SMO: variants seen among roughly 807,000 people sequenced by gnomAD.
The protein encoded by SMO is smoothened, frizzled class receptor.
In SMO, 40 loss-of-function variants were observed where a neutral mutation model predicts 81.6. That is an observed-to-expected ratio of 0.49 (90% confidence interval 0.38 to 0.64). The LOEUF is 0.64. SMO is among the 30% of genes least tolerant of loss of function. SMO has a pLI of 0.00. For missense variants in SMO, 916 were observed against 1,061.1 expected (o/e 0.86, Z 1.90); for synonymous variants, 434 against 432.1 (o/e 1.00, Z -0.05).
At position 129,212,672 on chromosome 7, in the gene SMO, G is replaced by A. The variant is rs1793897902; in HGVS notation, c.*221G>A. 1 of 576,606 alleles carries A rather than the reference G, an allele frequency of 1.7e-6. No homozygotes were observed. The highest frequency in any genetic ancestry group is 2.2e-5 in the South Asian group (1 of 45,052). 35.7% of individuals were successfully genotyped at this position (576,606 alleles called of 1,614,324 possible). A position where few individuals can be genotyped will look rare whatever the true frequency, so the allele number is the denominator to read the frequency against. On this transcript the variant is annotated 3_prime_UTR_variant, in exon 12 of 12. Coordinates refer to ENST00000249373, the MANE Select transcript of SMO (RefSeq NM_005631.5). The surrounding 1 kb of genome is among the most constrained non-coding windows in gnomAD (Gnocchi z 5.0). ...CTCACCCCAGGGACAGGGCCCTGGAGCTCAGGGTCCTTGTTTCTGCCCTGC... is the reference window on the plus strand; with the variant it reads ...CTCACCCCAGGGACAGGGCCCTGGAACTCAGGGTCCTTGTTTCTGCCCTGC...
intron 1 of SMO, among the ~76,000 whole-genome samples, chr7:129,194,555 T>G (rs1793540557): frequency 6.6e-6 from 1 of 152,186 alleles, no homozygotes; most frequent in African/African-American, 2.4e-5. Flanking sequence ...CCCCTCCCCT[T>G]GCTCAAGAGG....
rs772755154 is a variant in SMO, at chr7:129,203,533, C to T, written c.481C>T (p.Arg161Trp). Residue 161 changes from arginine to tryptophan, a missense_variant, in exon 2 of 12, where the codon CGG becomes TGG. Coordinates refer to ENST00000249373, the MANE Select transcript of SMO (RefSeq NM_005631.5). ...CCCCTGTGCCATCGTGGAGAGGGAG[C>T]GGGGCTGGCCTGACTTCCTGCGCTG... is the stretch of plus-strand genomic sequence containing the variant. ...RGPCAIVERE[R>W]GWPDFLRCTP... 2.8e-5 allele frequency: 45 copies of T among 1,606,126 alleles called. No individual in the cohort carries two copies. The highest frequency in any genetic ancestry group is 3.6e-5 in the Non-Finnish European group (42 of 1,179,550).
rs777774073 is a variant in SMO, at chr7:129,211,857, AG to A, written c.1936+89del. On this transcript the variant is annotated intron_variant, in intron 11 of 11. Transcript: ENST00000249373. The surrounding 1 kb of genome is among the most constrained non-coding windows in gnomAD (Gnocchi z 4.6). ...ACTGGAGTACAGGGGCTGTCGGAGG[AG>A]GAGGAAGAGGAAGGAAAGGCCCCAG... 177 of 1,544,626 alleles carry A rather than the reference AG, an allele frequency of 1.1e-4. No homozygotes were observed. Among genetic ancestry groups the A allele is most frequent in the Non-Finnish European group, 1.8e-6 (2 of 1,122,254 alleles).
chr7:129,205,741 C>T lies in SMO; in HGVS notation c.879C>T (p.Ile293=), dbSNP rs763465260. 58 of 1,610,214 alleles carry T rather than the reference C, an allele frequency of 3.6e-5. No homozygotes were observed. Among genetic ancestry groups the T allele is most frequent in the Non-Finnish European group, 4.7e-5 (55 of 1,180,004 alleles). The change falls in exon 4 of 12, where the codon ATC becomes ATT. Residue 293 remains isoleucine, a synonymous_variant. Transcript: ENST00000249373. ...AQFMDGARRE[I]VCRADGTMRL... is the part of the protein sequence containing the mutation. ...TCATGGATGGTGCCCGCCGAGAGAT[C>T]GTCTGCCGTGCAGATGGCACCATGA... is the stretch of plus-strand genomic sequence containing the variant.
rs2150656998 is a variant in SMO, at chr7:129,212,284, G to A, written c.2197G>A (p.Val733Ile). ...DSCRQGAWTLVSNPFCPEPSP... is the reference protein window; with the variant it reads ...DSCRQGAWTLISNPFCPEPSP... ...TTGCCGACAGGGAGCGTGGACCCTG[G>A]TCTCCAACCCATTCTGCCCAGAGCC... The change falls in exon 12 of 12, where the codon GTC becomes ATC. Residue 733 changes from valine to isoleucine, a missense_variant. By Grantham distance (29) the Val-to-Ile change is conservative. Coordinates refer to ENST00000249373, the MANE Select transcript of SMO (RefSeq NM_005631.5). The surrounding 1 kb of genome is among the most constrained non-coding windows in gnomAD (Gnocchi z 5.0). 6.2e-7 allele frequency: 1 copy of A among 1,613,622 alleles called. No homozygotes were observed. The highest frequency in any genetic ancestry group is 8.5e-7 in the Non-Finnish European group (1 of 1,179,818).
At position 129,206,544 on chromosome 7, in the gene SMO, A is replaced by G. The variant is rs781494100; in HGVS notation, c.1221A>G (p.Pro407=). ...YRYRAGFVLA[P]IGLVLIVGGY... ...ACCGTGCGGGCTTCGTGCTGGCCCC[A>G]ATCGGCCTGGTGCTCATCGTGGGAG... Residue 407 remains proline, a synonymous_variant, in exon 6 of 12, where the codon CCA becomes CCG. Transcript: ENST00000249373. This position sits in a 1 kb window ranked among gnomAD's most constrained non-coding sequence, Gnocchi z 4.4. 2.5e-6 allele frequency: 4 copies of G among 1,614,192 alleles called. No homozygotes were observed. Among genetic ancestry groups the G allele is most frequent in the South Asian group, 1.1e-5 (1 of 91,084 alleles).
At chr7:129,193,165 A>G (rs1334036251) in intron 1 of SMO, among the ~76,000 whole-genome samples, 1 of 152,188 alleles carries the variant, frequency 6.6e-6, no homozygotes, top group African/African-American at 2.4e-5. Context: ...AGTGGGGCAA[A>G]AAAGCAGAGA....
chr7:129,202,586 T>G (rs1438238214), intron 1 of SMO, among the ~76,000 whole-genome samples: 1 of 152,164 alleles, frequency 6.6e-6, no homozygotes, highest in Non-Finnish European at 1.5e-5. Context: ...TGTTTCTGTC[T>G]TGCTGACAAC....
In SMO at chr7:129,206,487, G is replaced by C. The variant is rs2228617; in HGVS notation, c.1164G>C (p.Gly388=). Reference sequence around the variant, plus strand: ...AGGTGGATGGGGACTCTGTGAGTGGGATTTGTTTTGTGGGCTACAAGAACT... The same window carrying C: ...AGGTGGATGGGGACTCTGTGAGTGGCATTTGTTTTGTGGGCTACAAGAACT... ...VAQVDGDSVS[G]ICFVGYKNYR... Residue 388 remains glycine, a synonymous_variant, in exon 6 of 12, where the codon GGG becomes GGC. Transcript: ENST00000249373. This position sits in a 1 kb window ranked among gnomAD's most constrained non-coding sequence, Gnocchi z 4.4. The C allele has an allele frequency of 0.82, 1,325,595 of 1,613,838 alleles. 546,321 individuals are homozygous for C. The highest frequency in any genetic ancestry group is 0.88 in the Middle Eastern group (5,328 of 6,062).
At chr7:129,196,939 C>T (rs1226137973) in intron 1 of SMO, among the ~76,000 whole-genome samples, 1 of 150,288 alleles carries the variant, frequency 6.7e-6, no homozygotes, top group African/African-American at 2.5e-5. Context: ...ATGGCGTGAA[C>T]CTGGGAGGCG....
intron 1 of SMO, among the ~76,000 whole-genome samples, chr7:129,198,235 G>A (rs184602188): frequency 3.0e-4 from 45 of 152,306 alleles, no homozygotes; most frequent in Non-Finnish European, 4.6e-4. Flanking sequence ...TTATAGGCGT[G>A]AGCCACCATG....
chr7:129,193,586 G>A lies in SMO; in HGVS notation c.331+4104G>A, dbSNP rs527707019. Among the ~76,000 whole-genome samples the A allele has an allele frequency of 2.0e-3, 299 of 149,864 alleles. 3 individuals carry two copies. Among genetic ancestry groups the A allele is most frequent in the Non-Finnish European group, 3.5e-3 (235 of 67,534 alleles). On this transcript the variant is annotated intron_variant, in intron 1 of 11. Transcript: ENST00000249373. ...ATCCCGGCAAACAGGGTGAAACCCCGTCTCTACTAAAAATACAAAAAAATT... is the reference window on the plus strand; with the variant it reads ...ATCCCGGCAAACAGGGTGAAACCCCATCTCTACTAAAAATACAAAAAAATT...
At chr7:129,197,967 A>G (rs1007327839) in intron 1 of SMO, among the ~76,000 whole-genome samples, 1 of 152,238 alleles carries the variant, frequency 6.6e-6, no homozygotes, top group African/African-American at 2.4e-5. Flanking sequence ...TTATTAAAAT[A>G]AAAGAAGTAA....
intron 1 of SMO, among the ~76,000 whole-genome samples, chr7:129,193,785 A>AAAAAATATATAT (rs1563145734): frequency 3.8e-5 from 1 of 26,350 alleles, no homozygotes; most frequent in African/African-American, 1.7e-4. Flanking sequence ...AAAAAAAAAA[A>AAAAAATATATAT]ATATATATAT....
In SMO at chr7:129,210,016, C is replaced by A. The variant is rs1793843171; in HGVS notation, c.1467-347C>A. On this transcript the variant is annotated intron_variant, in intron 8 of 11. Transcript: ENST00000249373. This position sits in a 1 kb window ranked among gnomAD's most constrained non-coding sequence, Gnocchi z 4.7. Reference sequence around the variant, plus strand: ...TGCCTGAGTCTCTGCCCCAGAGATTCAATTTAATTGTCTAGGGTGGGTCCC... The same window carrying A: ...TGCCTGAGTCTCTGCCCCAGAGATTAAATTTAATTGTCTAGGGTGGGTCCC... 1 of 200,718 alleles carries A rather than the reference C, an allele frequency of 5.0e-6. No individual in the cohort carries two copies. Among genetic ancestry groups the A allele is most frequent in the Middle Eastern group, 2.1e-3 (1 of 472 alleles). 12.4% of individuals were successfully genotyped at this position (200,718 alleles called of 1,614,324 possible). A position where few individuals can be genotyped will look rare whatever the true frequency, so the allele number is the denominator to read the frequency against.
rs1793844499 is a variant in SMO at position 129,210,096 on chromosome 7, T to G, written c.1467-267T>G. On this transcript the variant is annotated intron_variant, in intron 8 of 11. Coordinates refer to ENST00000249373, the MANE Select transcript of SMO (RefSeq NM_005631.5). This position sits in a 1 kb window ranked among gnomAD's most constrained non-coding sequence, Gnocchi z 4.7. Reference sequence around the variant, plus strand: ...GTTGATTCTAATGAGCACCCAGGGTTGAGATCAGTGCTGTGGAGCTTAGCC... The same window carrying G: ...GTTGATTCTAATGAGCACCCAGGGTGGAGATCAGTGCTGTGGAGCTTAGCC... 3.2e-5 allele frequency: 11 copies of G among 345,316 alleles called. No individual in the cohort carries two copies. Among genetic ancestry groups the G allele is most frequent in the Admixed American group, 7.9e-5 (2 of 25,334 alleles). 21.4% of individuals were successfully genotyped at this position (345,316 alleles called of 1,614,324 possible).
chr7:129,205,714 G>T lies in SMO; in HGVS notation c.852G>T (p.Gln284His). The T allele has an allele frequency of 1.2e-6, 2 of 1,612,884 alleles. No individual in the cohort carries two copies. Among genetic ancestry groups the T allele is most frequent in the Non-Finnish European group, 8.5e-7 (1 of 1,180,032 alleles). The stretch of plus-strand genomic sequence containing the variant: ...TGGGCAGCATTGGCTGGCTGGCCCA[G>T]TTCATGGATGGTGCCCGCCGAGAGA... Reference protein sequence around the residue: ...FFVGSIGWLAQFMDGARREIV... With the variant: ...FFVGSIGWLAHFMDGARREIV... The change falls in exon 4 of 12, where the codon CAG becomes CAT. Residue 284 changes from glutamine to histidine, a missense_variant. Gln to His is a conservative substitution (Grantham distance 24). Coordinates refer to ENST00000249373, the MANE Select transcript of SMO (RefSeq NM_005631.5).
chr7:129,200,112 C>T lies in SMO; in HGVS notation c.332-3272C>T, dbSNP rs557789418. On this transcript the variant is annotated intron_variant, in intron 1 of 11. Coordinates refer to ENST00000249373, the MANE Select transcript of SMO (RefSeq NM_005631.5). ...TTGTGTCATTTCAGAAGGCCTTCTC[C>T]ACTCCAAGGTTTAAAAAATCATTTC... Among the ~76,000 whole-genome samples, 3 of 152,240 alleles carry T rather than the reference C, an allele frequency of 2.0e-5. 1 individual carries two copies. The East Asian group carries it at 5.8e-4, about 29-fold the overall frequency.
intron 6 of SMO, among the ~76,000 whole-genome samples, chr7:129,207,366 G>A (rs915899637): frequency 1.3e-5 from 2 of 152,166 alleles, no homozygotes; most frequent in Admixed American, 6.6e-5. Context: ...CACAGCATGC[G>A]TGGAATTAGT....
Sources: allele counts gnomAD v4.1 joint callset (sites outside exome capture counted in the v4.1 genomes callset), GRCh38; gene constraint gnomAD v4.1.1; non-coding constraint Gnocchi (gnomAD v3.1); transcripts MANE v1.5; gene names NCBI Gene and HGNC (gene_info 2026-07-23, HGNC 2026-07-21).